NIPSNAP2: variants seen among roughly 807,000 people sequenced by gnomAD.
NIPSNAP2 encodes the protein protein NipSnap homolog 2.
Under a neutral mutation model 48.4 loss-of-function variants are expected in NIPSNAP2, and 42 were observed. That is an observed-to-expected ratio of 0.87 (90% CI 0.68 to 1.12). The LOEUF (loss-of-function observed/expected upper bound fraction) is 1.12. Among genes scored for constraint, NIPSNAP2 ranks in the 50% most tolerant of loss-of-function variants. The probability of loss-of-function intolerance (pLI) is 0.00; values close to 1 mark genes in which losing one functional copy is unlikely to be tolerated. For synonymous variants in NIPSNAP2, 158 were observed against 126.6 expected (o/e 1.25, Z -1.67); for missense variants, 314 against 347.3 (o/e 0.90, Z 0.76).
chr7:55,999,105 TC>T lies in NIPSNAP2; in HGVS notation c.*34del. The stretch of plus-strand genomic sequence containing the variant: ...GAGTTTCTATGTGCCTACATACATT[TC>T]TGTGACAAGTATTTGTCGTAAATTA... On this transcript the variant is annotated 3_prime_UTR_variant, in exon 10 of 10. Coordinates refer to ENST00000322090, the MANE Select transcript of NIPSNAP2 (RefSeq NM_001483.3). The T allele has an allele frequency of 6.6e-7, 1 of 1,519,632 alleles. No individual in the cohort carries two copies. 94.1% of individuals were successfully genotyped at this position (1,519,632 alleles called of 1,614,324 possible). A position where few individuals can be genotyped will look rare whatever the true frequency, so the allele number is the denominator to read the frequency against.
chr7:55,965,466 TC>T (rs1372713339), intron 1 of NIPSNAP2, among the ~76,000 whole-genome samples: 1 of 152,178 alleles, frequency 6.6e-6, no homozygotes, highest in Non-Finnish European at 1.5e-5. Context: ...AGAGTTGCTT[TC>T]TCGTATTCAT....
At chr7:55,965,281 G>T (rs1181862523) in intron 1 of NIPSNAP2, 4 of 152,200 alleles carry the variant, frequency 2.6e-5, no homozygotes, top group African/African-American at 9.6e-5. Flanking sequence ...AGCCGGCCGT[G>T]GATCTAAAAG....
intron 7 of NIPSNAP2, among the ~76,000 whole-genome samples, chr7:55,987,205 TC>T (rs1278476746): frequency 6.6e-6 from 1 of 152,124 alleles, no homozygotes; most frequent in Non-Finnish European, 1.5e-5. Flanking sequence ...CAGTCCCACT[TC>T]TGGATATATA....
intron 1 of NIPSNAP2, among the ~76,000 whole-genome samples, chr7:55,968,297 G>A (rs1786939210): frequency 6.6e-6 from 1 of 152,044 alleles, no homozygotes; most frequent in South Asian, 2.1e-4. Flanking sequence ...CAGATGTGAT[G>A]ATAGCATTGT....
At chr7:55,990,732 A>G (rs751619932) in intron 7 of NIPSNAP2, among the ~76,000 whole-genome samples, 8 of 151,140 alleles carry the variant, frequency 5.3e-5, no homozygotes, top group Non-Finnish European at 1.0e-4. Context: ...TGAAAAGAGA[A>G]CTTGTACCTT....
intron 7 of NIPSNAP2, among the ~76,000 whole-genome samples, chr7:55,992,728 C>T (rs1787477083): frequency 6.6e-6 from 1 of 152,122 alleles, no homozygotes; most frequent in African/African-American, 2.4e-5. Flanking sequence ...TCTGTCTTCC[C>T]AAGTCTTGTC....
At chr7:55,968,570 T>A (rs1196113627) in intron 1 of NIPSNAP2, among the ~76,000 whole-genome samples, 1 of 152,140 alleles carries the variant, frequency 6.6e-6, no homozygotes, top group Non-Finnish European at 1.5e-5. Context: ...GTATTTTTAA[T>A]AGAGATGGGG....
chr7:55,988,659 G>A (rs529551323), intron 7 of NIPSNAP2, among the ~76,000 whole-genome samples: 87 of 152,160 alleles, frequency 5.7e-4, no homozygotes, highest in African/African-American at 1.9e-3. Flanking sequence ...AAGAATTCGA[G>A]ACCGACCTGG....
rs560629255 is a variant in NIPSNAP2, at chr7:55,968,244, A to T, written c.92+3543A>T. The stretch of plus-strand genomic sequence containing the variant: ...TTTTGGGGAGAACTGGGGATATTTT[A>T]ATAGGGAGTGGATATTAGATATGAT... On this transcript the variant is annotated intron_variant, in intron 1 of 9. Transcript: ENST00000322090. 3.9e-5 allele frequency among the ~76,000 whole-genome samples: 6 copies of T among 152,186 alleles called. No homozygotes were observed. The East Asian group carries it at 7.7e-4, about 20-fold the overall frequency.
intron 5 of NIPSNAP2, among the ~76,000 whole-genome samples, 195 bp downstream of exon 5, chr7:55,982,475 G>A (rs966799677): frequency 4.6e-5 from 7 of 152,246 alleles, no homozygotes; most frequent in East Asian, 1.9e-4. Flanking sequence ...CTGACCGGGC[G>A]CGGTGGCTCA....
chr7:55,969,442 A>G (rs919717551), intron 1 of NIPSNAP2, among the ~76,000 whole-genome samples: 2 of 152,152 alleles, frequency 1.3e-5, no homozygotes, highest in Non-Finnish European at 2.9e-5. Flanking sequence ...CTACCTGACC[A>G]TCTGCTCCTC....
At chr7:55,974,713 C>T (rs1354781888) in intron 1 of NIPSNAP2, among the ~76,000 whole-genome samples, 3 of 151,732 alleles carry the variant, frequency 2.0e-5, no homozygotes, top group African/African-American at 4.8e-5. Flanking sequence ...CCGGGTGTGG[C>T]GGCGGGCGCC....
intron 1 of NIPSNAP2, among the ~76,000 whole-genome samples, chr7:55,966,963 C>G (rs1786908017): frequency 1.3e-5 from 2 of 152,292 alleles, no homozygotes; most frequent in South Asian, 4.1e-4. Context: ...GGAGTGCCAT[C>G]CGCTGCCAAA....
At chr7:55,986,827 C>T (rs1290972017) in intron 7 of NIPSNAP2, among the ~76,000 whole-genome samples, 1 of 151,244 alleles carries the variant, frequency 6.6e-6, no homozygotes, top group African/African-American at 2.4e-5. Context: ...ATACAGATAA[C>T]TCAATTAAAA....
chr7:55,981,747 T>A, intron 4 of NIPSNAP2, 180 bp downstream of exon 4: 1 of 545,658 alleles, frequency 1.8e-6, no homozygotes, highest in Non-Finnish European at 3.3e-6. Flanking sequence ...TTGTTTTTAA[T>A]GTTTGAATCT....
At chr7:55,975,471 C>T (rs1429218366) in intron 1 of NIPSNAP2, among the ~76,000 whole-genome samples, 2 of 151,936 alleles carry the variant, frequency 1.3e-5, no homozygotes, top group Non-Finnish European at 2.9e-5. Flanking sequence ...AGAAGGCTAC[C>T]CTTCTGTATG....
At chr7:55,986,982 A>AT (rs200129346) in intron 7 of NIPSNAP2, among the ~76,000 whole-genome samples, 20,954 of 97,424 alleles carry the variant, frequency 0.22, 2,650 homozygotes, top group Non-Finnish European at 0.28. Flanking sequence ...CCCTGTCTCT[A>AT]TAAAAAAAAA....
At chr7:55,983,979 T>TTATATGTGTA in intron 6 of NIPSNAP2, 111 bp downstream of exon 6, 3 of 579,504 alleles carry the variant, frequency 5.2e-6, no homozygotes, top group Non-Finnish European at 8.6e-6. Context: ...ATGTCTAGCA[T>TTATATGTGTA]TATATGTATA....
At chr7:55,981,934 G>A (rs927659203) in intron 4 of NIPSNAP2, 1 of 320,748 alleles carries the variant, frequency 3.1e-6, no homozygotes, top group Non-Finnish European at 5.8e-6. Context: ...AGCCTCCCAA[G>A]TAGCTGGAAA....
Sources: gnomAD v4.1 joint callset for allele counts (sites outside exome capture counted in the v4.1 genomes callset) on GRCh38, gnomAD v4.1.1 for gene constraint, MANE v1.5 for transcripts, NCBI Gene and HGNC (gene_info 2026-07-23, HGNC 2026-07-21) for gene names.